IFNL3: variants seen among roughly 807,000 people sequenced by gnomAD.
The protein encoded by IFNL3 is interferon lambda 3.
A neutral mutation model predicts 16.3 loss-of-function variants in IFNL3; 16 were observed. The ratio of observed to expected loss-of-function variants is 0.98; its 90% CI spans 0.67 to 1.50. The LOEUF is 1.50. Ranked by LOEUF, IFNL3 falls within the 40% of genes most tolerant of loss-of-function variation. The pLI, the probability that IFNL3 is intolerant of heterozygous loss-of-function variation, is 0.00. For synonymous variants in IFNL3, 115 were observed against 115.3 expected (o/e 1.00, Z 0.02); for missense variants, 254 against 253.5 (o/e 1.00, Z -0.01).
chr19:39,245,177 C>T (rs2074939618), upstream of IFNL3: 1 of 981,126 alleles, frequency 1.0e-6, no homozygotes, highest in Non-Finnish European at 1.6e-6. Context: ...TCAGTCCCCT[C>T]TTCTGGATCT....
At position 39,244,029 on chromosome 19, in the gene IFNL3, G is replaced by A. The variant is rs757574552; in HGVS notation, c.387C>T (p.Ile129=). 3 of 1,614,062 alleles carry A rather than the reference G, an allele frequency of 1.9e-6. No homozygotes were observed. Among genetic ancestry groups the A allele is most frequent in the South Asian group, 2.2e-5 (2 of 91,084 alleles). The change falls in exon 3 of 5, where the codon ATC becomes ATT. Residue 129 remains isoleucine, a synonymous_variant. Coordinates refer to ENST00000413851, the MANE Select transcript of IFNL3 (RefSeq NM_172139.4). ...TCACACAGGCCCGGAGCTGGGAGAG[G>A]ATATGGTGCAGGGTGTGAAGGGGCT... ...LDQPLHTLHH[I]LSQLRACIQP...
In IFNL3 at chr19:39,244,929, G is replaced by A. The variant is rs1240629193; in HGVS notation, c.39C>T (p.Ala13=). Reference sequence around the variant, plus strand: ...CTGCTCCAGTCACGGTCAGCACTGCGGCCATCAGCACCAGCACTGGCATGC... The same window carrying A: ...CTGCTCCAGTCACGGTCAGCACTGCAGCCATCAGCACCAGCACTGGCATGC... The part of the protein sequence containing the change: ...GDCMPVLVLM[A]AVLTVTGAVP... Residue 13 remains alanine, a synonymous_variant, in exon 1 of 5, where the codon GCC becomes GCT. Coordinates refer to ENST00000413851, the MANE Select transcript of IFNL3 (RefSeq NM_172139.4). The A allele has an allele frequency of 9.9e-6, 16 of 1,613,878 alleles. No homozygotes were observed. The highest frequency in any genetic ancestry group is 2.2e-5 in the East Asian group (1 of 44,902).
chr19:39,244,567 T>A, intron 1 of IFNL3, 73 bp from the exon 2 acceptor site: 1 of 1,506,164 alleles, frequency 6.6e-7, no homozygotes, highest in Non-Finnish European at 9.1e-7. Context: ...GATTGGAGGA[T>A]GGCTGACAAC....
chr19:39,243,899 A>G lies in IFNL3; in HGVS notation c.417T>C (p.Pro139=), dbSNP rs2074927963. ...ILSQLRACIQ[P]QPTAGPRTRG... Reference sequence around the variant, plus strand: ...GGGTCCTGGGCCCTGCCGTGGGCTGAGGCTGGATCTGTGGGCAGAGGAGGG... The same window carrying G: ...GGGTCCTGGGCCCTGCCGTGGGCTGGGGCTGGATCTGTGGGCAGAGGAGGG... Residue 139 remains proline, a synonymous_variant, in exon 4 of 5, where the codon CCT becomes CCC. Transcript: ENST00000413851. 3.7e-6 allele frequency: 6 copies of G among 1,613,396 alleles called. No individual in the cohort carries two copies. The highest frequency in any genetic ancestry group is 1.3e-5 in the African/African-American group (1 of 74,932).
chr19:39,244,272 T>G, intron 2 of IFNL3, 115 bp from the exon 3 acceptor site: 1 of 1,508,470 alleles, frequency 6.6e-7, no homozygotes, highest in Non-Finnish European at 9.0e-7. Context: ...GCACAGCCAG[T>G]GTGGTCAGGT....
At position 39,244,158 on chromosome 19, in the gene IFNL3, C is replaced by G. The variant is rs201768252; in HGVS notation, c.259-1G>C. 1 of 1,614,088 alleles carries G rather than the reference C, an allele frequency of 6.2e-7. No individual in the cohort carries two copies. The highest frequency in any genetic ancestry group is 8.5e-7 in the Non-Finnish European group (1 of 1,180,014). On this transcript the variant is annotated splice_acceptor_variant, in intron 2 of 4. Coordinates refer to ENST00000413851, the MANE Select transcript of IFNL3 (RefSeq NM_172139.4). LOFTEE classifies it high-confidence loss of function. ...CCAAAGCCACGGGGCGCTCCCTCACCTGAGGAGAGGTGAGAAAGAGCAGGT... is the reference window on the plus strand; with the variant it reads ...CCAAAGCCACGGGGCGCTCCCTCACGTGAGGAGAGGTGAGAAAGAGCAGGT...
rs773984856 is a variant in IFNL3, at chr19:39,244,496, T to C, written c.181-2A>G. The C allele has an allele frequency of 6.2e-7, 1 of 1,609,068 alleles. No individual in the cohort carries two copies. The highest frequency in any genetic ancestry group is 1.1e-5 in the South Asian group (1 of 90,644). On this transcript the variant is annotated splice_acceptor_variant, in intron 1 of 4. Transcript: ENST00000413851. LOFTEE classifies it high-confidence loss of function. Reference sequence around the variant, plus strand: ...GTCCTTCAGCAGAAGCGACTCTTCCTAGACAGCAAAGGCACAGGTTAGCCC... The same window carrying C: ...GTCCTTCAGCAGAAGCGACTCTTCCCAGACAGCAAAGGCACAGGTTAGCCC...
rs1474797254 is a variant in IFNL3, at chr19:39,244,500, C to T, written c.181-6G>A. The T allele has an allele frequency of 6.2e-7, 1 of 1,608,040 alleles. No homozygotes were observed. Among genetic ancestry groups the T allele is most frequent in the Admixed American group, 1.7e-5 (1 of 59,214 alleles). ...TTCAGCAGAAGCGACTCTTCCTAGA[C>T]AGCAAAGGCACAGGTTAGCCCCAGC... On this transcript the variant is annotated splice_region_variant and splice_polypyrimidine_tract_variant and intron_variant, in intron 1 of 4. Coordinates refer to ENST00000413851, the MANE Select transcript of IFNL3 (RefSeq NM_172139.4).
At position 39,244,636 on chromosome 19, in the gene IFNL3, A is replaced by G. The variant is rs2074935182; in HGVS notation, c.181-142T>C. On this transcript the variant is annotated intron_variant, in intron 1 of 4. Coordinates refer to ENST00000413851, the MANE Select transcript of IFNL3 (RefSeq NM_172139.4). ...AGAGGACCCTCTTCTTCAGGAAAAC[A>G]TGAGTCAGTCCCTGCAGTAGGAGCA... The G allele has an allele frequency of 2.2e-6, 3 of 1,370,548 alleles. No individual in the cohort carries two copies. The Admixed American group carries it at 6.8e-5, about 31-fold the overall frequency. 84.9% of individuals were successfully genotyped at this position (1,370,548 alleles called of 1,614,324 possible).
In IFNL3 at chr19:39,243,711, T is replaced by A. The variant is rs759937600; in HGVS notation, c.512A>T (p.Glu171Val). The A allele has an allele frequency of 6.2e-7, 1 of 1,610,574 alleles. No individual in the cohort carries two copies. The highest frequency in any genetic ancestry group is 1.1e-5 in the South Asian group (1 of 90,564). ...GAAGAGGTTGAAGGTGACAGAGGCC[T>A]CGAGGCAGCCAGGGGACTCCTGTAG... is the stretch of plus-strand genomic sequence containing the variant. ...APKKESPGCLEASVTFNLFRL... is the reference protein window; with the variant it reads ...APKKESPGCLVASVTFNLFRL... Residue 171 changes from glutamate (E) to valine (V), a missense_variant, in exon 5 of 5, where the codon GAG becomes GTG. Transcript: ENST00000413851.
upstream of IFNL3, chr19:39,245,070 A>G: frequency 6.2e-7 from 1 of 1,609,546 alleles, no homozygotes; most frequent in Non-Finnish European, 8.5e-7. Context: ...GGACTCACCT[A>G]GTTTCATTCC....
In IFNL3 at chr19:39,243,721, C is replaced by T; in HGVS notation, c.502G>A (p.Gly168Ser). The T allele has an allele frequency of 6.2e-7, 1 of 1,611,696 alleles. No individual in the cohort carries two copies. The change falls in exon 5 of 5, where the codon GGC becomes AGC. Residue 168 changes from glycine (G) to serine (S), a missense_variant. Gly to Ser is a moderately conservative substitution (Grantham distance 56, BLOSUM62 0). Coordinates refer to ENST00000413851, the MANE Select transcript of IFNL3 (RefSeq NM_172139.4). ...LQEAPKKESPGCLEASVTFNL... is the reference protein window; with the variant it reads ...LQEAPKKESPSCLEASVTFNL... ...AAGGTGACAGAGGCCTCGAGGCAGC[C>T]AGGGGACTCCTGTAGGGAGGAGGGG...
In IFNL3 at chr19:39,245,006, G is replaced by A. The variant is rs1454239587; in HGVS notation, c.-39C>T. ...AGAGAAAGGGAGCTGAGGGAATGCA[G>A]AGGCTGCCCACTGAGGGCAGGGGCT... On this transcript the variant is annotated 5_prime_UTR_variant, in exon 1 of 5. Coordinates refer to ENST00000413851, the MANE Select transcript of IFNL3 (RefSeq NM_172139.4). 8.7e-6 allele frequency: 14 copies of A among 1,613,650 alleles called. No homozygotes were observed. Among genetic ancestry groups the A allele is most frequent in the Middle Eastern group, 1.6e-4 (1 of 6,076 alleles).
At position 39,244,818 on chromosome 19, in the gene IFNL3, C is replaced by T. The variant is rs1009775316; in HGVS notation, c.150G>A (p.Leu50=). 6.8e-6 allele frequency: 11 copies of T among 1,613,634 alleles called. No individual in the cohort carries two copies. The Admixed American group carries it at 1.7e-4, about 24-fold the overall frequency. The change falls in exon 1 of 5, where the codon CTG becomes CTA. Residue 50 remains leucine, a synonymous_variant. Transcript: ENST00000413851. The part of the protein sequence containing the change: ...AQFKSLSPQE[L]QAFKRAKDAL... ...CATCTTTGGCCCTCTTAAAGGCCTG[C>T]AGCTCCTGTGGAGACAGGGACTTGA... is the stretch of plus-strand genomic sequence containing the variant.
intron 1 of IFNL3, 21 bp downstream of exon 1, chr19:39,244,767 G>A (rs753602639): frequency 2.5e-6 from 4 of 1,604,504 alleles, no homozygotes. Flanking sequence ...GTCCATGGCA[G>A]GAGGGCAGGG....
chr19:39,243,839 C>G lies in IFNL3; in HGVS notation c.477G>C (p.Gln159His), dbSNP rs2074927158. 6.2e-7 allele frequency: 1 copy of G among 1,613,796 alleles called. No homozygotes were observed. The highest frequency in any genetic ancestry group is 1.3e-5 in the African/African-American group (1 of 74,944). ...GRLHHWLHRLQEAPKKESPGC... is the reference protein window; with the variant it reads ...GRLHHWLHRLHEAPKKESPGC... ...GGTCACTCACCTTTTTTGGGGCCTCCTGGAGCCGGTGCAGCCAATGGTGGA... is the reference window on the plus strand; with the variant it reads ...GGTCACTCACCTTTTTTGGGGCCTCGTGGAGCCGGTGCAGCCAATGGTGGA... Residue 159 changes from glutamine (Q) to histidine (H), a missense_variant, in exon 4 of 5, where the codon CAG (glutamine) becomes CAC (histidine). Transcript: ENST00000413851.
chr19:39,243,961 G>A (rs748576869), intron 3 of IFNL3, 47 bp downstream of exon 3: 28 of 1,610,988 alleles, frequency 1.7e-5, no homozygotes, highest in Admixed American at 3.3e-5. Context: ...GGGGAAGGAC[G>A]CTGCTCAGAG....
At chr19:39,244,320 A>G (rs1486956467) in intron 2 of IFNL3, 97 bp downstream of exon 2, 18 of 1,487,360 alleles carry the variant, frequency 1.2e-5, no homozygotes, top group Non-Finnish European at 1.7e-5. Context: ...TGGGGAGAGG[A>G]GAGAGGGACA....
At position 39,244,165 on chromosome 19, in the gene IFNL3, G is replaced by A; in HGVS notation, c.259-8C>T. 2 of 1,614,134 alleles carry A rather than the reference G, an allele frequency of 1.2e-6. No homozygotes were observed. Among genetic ancestry groups the A allele is most frequent in the Non-Finnish European group, 1.7e-6 (2 of 1,179,988 alleles). ...CACGGGGCGCTCCCTCACCTGAGGA[G>A]AGGTGAGAAAGAGCAGGTGAGGGGG... On this transcript the variant is annotated splice_region_variant and splice_polypyrimidine_tract_variant and intron_variant, in intron 2 of 4. Coordinates refer to ENST00000413851, the MANE Select transcript of IFNL3 (RefSeq NM_172139.4).
Sources: allele counts gnomAD v4.1 joint callset, GRCh38; gene constraint gnomAD v4.1.1; transcripts MANE v1.5; gene names NCBI Gene and HGNC (gene_info 2026-07-23, HGNC 2026-07-21).